The following CACNB2 variants were observed in gnomAD, a reference collection of about 807,000 sequenced individuals.
CACNB2 encodes voltage-dependent L-type calcium channel subunit beta-2.
Under a neutral mutation model 73.3 loss-of-function variants are expected in CACNB2, and 42 were observed. The ratio of observed to expected loss-of-function variants is 0.57; its 90% CI spans 0.45 to 0.74. The LOEUF (loss-of-function observed/expected upper bound fraction) is 0.74. Among genes scored for constraint, CACNB2 ranks in the 30% least tolerant of loss-of-function variants. The pLI, the probability that CACNB2 is intolerant of heterozygous loss-of-function variation, is 0.00. For missense variants in CACNB2, 940 were observed against 853.0 expected, an observed-to-expected ratio of 1.10 and a Z score of -1.27; for synonymous variants, 348 against 310.3, an observed-to-expected ratio of 1.12 and a Z score of -1.28.
intron 2 of CACNB2, among the ~76,000 whole-genome samples, chr10:18,154,452 G>T (rs559607434): frequency 6.6e-6 from 1 of 151,832 alleles, no homozygotes. Flanking sequence ...CATTAGGACT[G>T]TTATCTTTTT....
chr10:18,327,951 TGAA>T (rs2040649270), intron 2 of CACNB2, among the ~76,000 whole-genome samples: 1 of 152,236 alleles, frequency 6.6e-6, no homozygotes, highest in South Asian at 2.1e-4. Flanking sequence ...GAGTGGAAGT[TGAA>T]GACATATCAG....
At chr10:18,514,903 C>T (rs1589622214) in intron 7 of CACNB2, 3 of 928,704 alleles carry the variant, frequency 3.2e-6, no homozygotes, top group East Asian at 4.9e-5. Context: ...CTTATGATAT[C>T]CAGATACATA....
chr10:18,401,066 C>G (rs1195518791), intron 2 of CACNB2: 1 of 1,614,104 alleles, frequency 6.2e-7, no homozygotes. Context: ...CTGAAAAGAG[C>G]CAAGGGAGGA....
chr10:18,404,123 T>A (rs1352197620), intron 3 of CACNB2, among the ~76,000 whole-genome samples: 3 of 152,088 alleles, frequency 2.0e-5, no homozygotes, highest in African/African-American at 7.2e-5. Context: ...ACCCATAAAA[T>A]TTTTTAAAAA....
intron 2 of CACNB2, among the ~76,000 whole-genome samples, chr10:18,200,370 C>G (rs1463299343): frequency 2.0e-5 from 3 of 151,842 alleles, no homozygotes; most frequent in African/African-American, 4.8e-5. Context: ...AAAACTCATT[C>G]TGCTTGGTGT....
chr10:18,501,997 T>C (rs1386096484), intron 5 of CACNB2, among the ~76,000 whole-genome samples: 1 of 152,158 alleles, frequency 6.6e-6, no homozygotes, highest in African/African-American at 2.4e-5. Context: ...CATATAAAAG[T>C]AGAGGCATGC....
intron 12 of CACNB2, among the ~76,000 whole-genome samples, chr10:18,537,429 A>G (rs1400299937): frequency 6.6e-6 from 1 of 152,188 alleles, no homozygotes; most frequent in African/African-American, 2.4e-5. Flanking sequence ...TGAAGTTTGG[A>G]CAATGTCAAA....
intron 2 of CACNB2, among the ~76,000 whole-genome samples, chr10:18,199,229 A>G (rs918075352): frequency 3.3e-5 from 5 of 152,236 alleles, no homozygotes; most frequent in African/African-American, 4.8e-5. Flanking sequence ...GGCATGGTTC[A>G]AGGTTCTAGA....
At position 18,499,571 on chromosome 10, in the gene CACNB2, C is replaced by T. The variant is rs540265004; in HGVS notation, c.456+1094C>T. 2.0e-4 allele frequency among the ~76,000 whole-genome samples: 26 copies of T among 129,548 alleles called. No homozygotes were observed. In the South Asian group the frequency reaches 2.6e-3, roughly 13 times the overall value. 85.0% of individuals were successfully genotyped at this position (129,548 alleles called of 152,430 possible). ...CGGAGGTTGCAGTGAGCCGAGATTG[C>T]GCCACTGCACCCGAGCCTGGCGACA... On this transcript the variant is annotated intron_variant, in intron 4 of 13. Coordinates refer to ENST00000324631, the MANE Select transcript of CACNB2 (RefSeq NM_201596.3).
chr10:18,361,612 C>CTT (rs56220879), intron 2 of CACNB2, among the ~76,000 whole-genome samples: 11,178 of 125,316 alleles, frequency 0.089, 601 homozygotes, highest in Non-Finnish European at 0.12. Flanking sequence ...AGGTAAAATT[C>CTT]TTTTTTTTTT....
intron 3 of CACNB2, among the ~76,000 whole-genome samples, chr10:18,466,707 C>A (rs1425786477): frequency 6.6e-6 from 1 of 152,164 alleles, no homozygotes; most frequent in East Asian, 1.9e-4. Flanking sequence ...ACTTCACAAT[C>A]TTTCATCTAA....
At chr10:18,412,239 C>T (rs1418478157) in intron 3 of CACNB2, among the ~76,000 whole-genome samples, 1 of 152,214 alleles carries the variant, frequency 6.6e-6, no homozygotes, top group Non-Finnish European at 1.5e-5. Context: ...AGTCACCGGC[C>T]TAAGCCTGGA....
At position 18,155,786 on chromosome 10, in the gene CACNB2, A is replaced by G. The variant is rs937628891; in HGVS notation, c.213+4811A>G. Reference sequence around the variant, plus strand: ...AGTGGTAGCTCAATGTGGTATTAATACCCATTTTTCTGATATCTAACCCAC... The same window carrying G: ...AGTGGTAGCTCAATGTGGTATTAATGCCCATTTTTCTGATATCTAACCCAC... On this transcript the variant is annotated intron_variant, in intron 2 of 13. Transcript: ENST00000324631. 9.2e-5 allele frequency among the ~76,000 whole-genome samples: 14 copies of G among 151,894 alleles called. No individual in the cohort carries two copies. In the Middle Eastern group the frequency reaches 9.5e-3, roughly 103 times the overall value.
At chr10:18,393,846 G>T (rs112566795) in intron 2 of CACNB2, among the ~76,000 whole-genome samples, 16 of 152,198 alleles carry the variant, frequency 1.1e-4, no homozygotes, top group African/African-American at 3.6e-4. Context: ...AATTTCAGAG[G>T]AGCAGCCAAG....
At chr10:18,511,852 G>A (rs375206400) in intron 6 of CACNB2, among the ~76,000 whole-genome samples, 8 of 152,172 alleles carry the variant, frequency 5.3e-5, no homozygotes, top group African/African-American at 1.9e-4. Context: ...TCATTTAGGT[G>A]GGCACTGTGG....
At chr10:18,430,133 A>T (rs1589328433) in intron 3 of CACNB2, among the ~76,000 whole-genome samples, 2 of 2,662 alleles carry the variant, frequency 7.5e-4, no homozygotes, top group South Asian at 0.015. Context: ...GAAGATGTTA[A>T]AAAAAAAAAA....
chr10:18,393,034 C>T (rs1047167798), intron 2 of CACNB2, among the ~76,000 whole-genome samples: 4 of 152,024 alleles, frequency 2.6e-5, no homozygotes, highest in African/African-American at 9.7e-5. Flanking sequence ...CATGATGAAA[C>T]CCCATCTCTA....
chr10:18,417,057 G>T (rs889546729), intron 3 of CACNB2, among the ~76,000 whole-genome samples: 3 of 149,250 alleles, frequency 2.0e-5, no homozygotes, highest in African/African-American at 7.4e-5. Context: ...CACCAGCTGA[G>T]AATGCATTAA....
intron 2 of CACNB2, among the ~76,000 whole-genome samples, chr10:18,186,434 A>G (rs955426633): frequency 2.0e-5 from 3 of 152,036 alleles, no homozygotes. Flanking sequence ...AAAAAAAGAA[A>G]GAAAGAAATA....
Sources: gnomAD v4.1 joint callset for allele counts (sites outside exome capture counted in the v4.1 genomes callset) on GRCh38, gnomAD v4.1.1 for gene constraint, MANE v1.5 for transcripts, NCBI Gene and HGNC (gene_info 2026-07-23, HGNC 2026-07-21) for gene names.